Variants in ATXN2 observed in about 807,000 individuals in gnomAD.
ATXN2 encodes ataxin-2.
ATXN2 carries 37 observed loss-of-function variants against 138.6 expected under a neutral mutation model. That is an observed-to-expected ratio of 0.27 (90% CI 0.21 to 0.35). The LOEUF (loss-of-function observed/expected upper bound fraction) is 0.35, where lower values mean the gene tolerates loss of function less well. ATXN2 is among the 10% of genes least tolerant of loss of function. The probability of loss-of-function intolerance (pLI) is 1.00; values close to 1 mark genes in which losing one functional copy is unlikely to be tolerated. For missense variants in ATXN2, 1,216 were observed against 1,480.3 expected (o/e 0.82, Z 2.93); for synonymous variants, 549 against 543.7 (o/e 1.01, Z -0.13).
chr12:111,562,510 C>G (rs931645035), intron 1 of ATXN2, among the ~76,000 whole-genome samples: 1 of 151,834 alleles, frequency 6.6e-6, no homozygotes, highest in African/African-American at 2.4e-5. Context: ...CACCTGAGGT[C>G]GGGAGTTGGA....
chr12:111,486,111 G>A lies in ATXN2; in HGVS notation c.2305-246C>T, dbSNP rs1435071615. Among the ~76,000 whole-genome samples the A allele has an allele frequency of 2.6e-5, 4 of 152,210 alleles. No individual in the cohort carries two copies. In the East Asian group the frequency reaches 7.7e-4, roughly 29 times the overall value. ...GGCAGCTATTTTTAAGAAACTGATG[G>A]AAGTGTTTTTAAAAATTAAAAATAA... On this transcript the variant is annotated intron_variant, in intron 16 of 24. Transcript: ENST00000673436.
At chr12:111,503,252 G>A (rs1878895107) in intron 14 of ATXN2, among the ~76,000 whole-genome samples, 1 of 152,260 alleles carries the variant, frequency 6.6e-6, no homozygotes, top group Non-Finnish European at 1.5e-5. Flanking sequence ...CTGACTGACA[G>A]TGCAGCATGC....
chr12:111,496,057 G>A (rs1170918271), intron 14 of ATXN2, among the ~76,000 whole-genome samples: 1 of 152,014 alleles, frequency 6.6e-6, no homozygotes, highest in African/African-American at 2.4e-5. Context: ...GGAAGGCTAA[G>A]GTGGGAGGAT....
chr12:111,518,379 G>C lies in ATXN2; in HGVS notation c.1035C>G (p.Ser345=), dbSNP rs1348027633. The change falls in exon 9 of 25, where the codon TCC becomes TCG. Residue 345 remains serine, a synonymous_variant. Coordinates refer to ENST00000673436, the MANE Select transcript of ATXN2 (RefSeq NM_001372574.1). ...GTGAATTCTGTCTCCCACTTCCCCA[G>C]GATATGACTTCTCTATTTCTTTGTC... ...PPGQRNREVI[S]WGSGRQNSPR... 6.2e-7 allele frequency: 1 copy of C among 1,612,476 alleles called. No individual in the cohort carries two copies. The highest frequency in any genetic ancestry group is 1.7e-5 in the Admixed American group (1 of 59,944).
At chr12:111,536,436 A>C (rs1238671187) in intron 5 of ATXN2, among the ~76,000 whole-genome samples, 1 of 152,174 alleles carries the variant, frequency 6.6e-6, no homozygotes, top group Non-Finnish European at 1.5e-5. Context: ...ATAATCAAAG[A>C]GACAGACAAT....
Position 111,586,219 on chromosome 12 carries a change from C to CT in ATXN2, c.251+12564dup, listed in dbSNP as rs112320110. 2.6e-3 allele frequency among the ~76,000 whole-genome samples: 361 copies of CT among 139,638 alleles called. 2 individuals are homozygous for CT. The highest frequency in any genetic ancestry group is 0.013 in the East Asian group (62 of 4,768). The allele number at this position is 139,638 out of a possible 152,430, so 91.6% of individuals were successfully genotyped here. On this transcript the variant is annotated intron_variant, in intron 1 of 24. Transcript: ENST00000673436. ...CATGCCCAGCCACCAGTCTTCCAAA[C>CT]TTTTTTTTTTTTTTTGAGACAGAGT...
intron 2 of ATXN2, among the ~76,000 whole-genome samples, chr12:111,554,640 A>G (rs1882293281): frequency 6.6e-6 from 1 of 152,168 alleles, no homozygotes; most frequent in Non-Finnish European, 1.5e-5. Context: ...AAACTTCCAT[A>G]GAGGAGGAAG....
intron 1 of ATXN2, among the ~76,000 whole-genome samples, chr12:111,572,638 A>T (rs533726560): frequency 1.3e-5 from 2 of 152,302 alleles, no homozygotes; most frequent in South Asian, 2.1e-4. Flanking sequence ...CAACCTCCTG[A>T]TATTGTTTGG....
rs566343677 is a variant in ATXN2 at position 111,481,180 on chromosome 12, C to CA, written c.2524+4084dup. 2.6e-4 allele frequency among the ~76,000 whole-genome samples: 39 copies of CA among 152,194 alleles called. No homozygotes were observed. The East Asian group carries it at 6.6e-3, about 26-fold the overall frequency. On this transcript the variant is annotated intron_variant, in intron 18 of 24. Transcript: ENST00000673436. The stretch of plus-strand genomic sequence containing the variant: ...CAAAAATGGGCCGAGCGCGGTGGTG[C>CA]ACGCCTATAACCCCAGCTACTCTGG...
chr12:111,510,242 CA>C, intron 12 of ATXN2, 142 bp downstream of exon 12: 1 of 995,796 alleles, frequency 1.0e-6, no homozygotes. Context: ...TAAACAACAT[CA>C]AAATTTACAT....
chr12:111,568,704 C>T (rs1883153169), intron 1 of ATXN2, among the ~76,000 whole-genome samples: 1 of 152,140 alleles, frequency 6.6e-6, no homozygotes, highest in Non-Finnish European at 1.5e-5. Context: ...TACAGCAGCT[C>T]CCCAACTATT....
intron 5 of ATXN2, among the ~76,000 whole-genome samples, chr12:111,531,732 C>T (rs1209300092): frequency 1.3e-5 from 2 of 152,154 alleles, no homozygotes; most frequent in African/African-American, 2.4e-5. Context: ...GGTGGAGCCA[C>T]GCTCCTCAGG....
At position 111,510,601 on chromosome 12, in the gene ATXN2, G is replaced by A. The variant is rs1879451109; in HGVS notation, c.1559-19C>T. On this transcript the variant is annotated intron_variant, in intron 11 of 24. Coordinates refer to ENST00000673436, the MANE Select transcript of ATXN2 (RefSeq NM_001372574.1). The stretch of plus-strand genomic sequence containing the variant: ...CTTGGAACTAGAAGAAAGGGAAAAT[G>A]TATTTATTACATTCTCAGTTCAAAT... 6.3e-7 allele frequency: 1 copy of A among 1,577,194 alleles called. No individual in the cohort carries two copies. Among genetic ancestry groups the A allele is most frequent in the Non-Finnish European group, 8.7e-7 (1 of 1,153,642 alleles).
At chr12:111,456,343 T>G (rs779260664) in intron 22 of ATXN2, 87 bp from the exon 23 acceptor site, 208 of 1,422,054 alleles carry the variant, frequency 1.5e-4, no homozygotes, top group Non-Finnish European at 2.0e-4. Flanking sequence ...CTTTGCACAC[T>G]TGGGCCTATG....
rs868226447 is a variant in ATXN2 at position 111,582,993 on chromosome 12, G to T, written c.251+15791C>A. Among the ~76,000 whole-genome samples the T allele has an allele frequency of 1.3e-3, 126 of 100,036 alleles. 1 individual carries two copies. Among genetic ancestry groups the T allele is most frequent in the African/African-American group, 4.6e-3 (119 of 25,908 alleles). The allele number at this position is 100,036 out of a possible 152,430, so 65.6% of individuals were successfully genotyped here. A position where few individuals can be genotyped will look rare whatever the true frequency, so the allele number is the denominator to read the frequency against. On this transcript the variant is annotated intron_variant, in intron 1 of 24. Coordinates refer to ENST00000673436, the MANE Select transcript of ATXN2 (RefSeq NM_001372574.1). ...AGTATCTCAGTTTTTTTTTTTGTTT[G>T]TTTTTTTTTTTTTTTTGGAGACAGA...
Position 111,510,473 on chromosome 12 carries a change from T to C in ATXN2, c.1668A>G (p.Pro556=). The change falls in exon 12 of 25, where the codon CCA becomes CCG. Residue 556 remains proline (P), a synonymous_variant. Coordinates refer to ENST00000673436, the MANE Select transcript of ATXN2 (RefSeq NM_001372574.1). ...VLASPQAGII[P]TEAVAMPIPA... ...GAATAGGCATGGCAACAGCTTCAGT[T>C]GGAATAATACCAGCTTGGGGAGAAG... 1 of 1,614,134 alleles carries C rather than the reference T, an allele frequency of 6.2e-7. No individual in the cohort carries two copies. Among genetic ancestry groups the C allele is most frequent in the Non-Finnish European group, 8.5e-7 (1 of 1,180,022 alleles).
chr12:111,564,056 A>G (rs1356845786), intron 1 of ATXN2, among the ~76,000 whole-genome samples: 1 of 152,212 alleles, frequency 6.6e-6, no homozygotes, highest in East Asian at 1.9e-4. Flanking sequence ...GTGGTCGGCA[A>G]GCAGTGTCTT....
Position 111,513,389 on chromosome 12 carries a change from G to A in ATXN2, c.1526C>T (p.Ser509Leu), listed in dbSNP as rs774827848. The A allele has an allele frequency of 7.4e-6, 12 of 1,613,542 alleles. No homozygotes were observed. The Admixed American group carries it at 8.3e-5, about 11-fold the overall frequency. ...ATPPVARTSP[S>L]GGTWSSVVSG... The stretch of plus-strand genomic sequence containing the variant: ...GACCACTGATGACCACGTTCCCCCC[G>A]AGGGACTGGTCCTTGCTACTGGAGG... The change falls in exon 11 of 25, where the codon TCG (serine) becomes TTG (leucine). Residue 509 changes from serine to leucine, a missense_variant. Ser to Leu is a moderately radical substitution (Grantham distance 145, BLOSUM62 -2). Around this residue, in one of 4 missense-constraint regions of ATXN2, gnomAD observed 215 missense variants for 210.0 expected, o/e 1.02. Coordinates refer to ENST00000673436, the MANE Select transcript of ATXN2 (RefSeq NM_001372574.1).
chr12:111,581,855 C>T lies in ATXN2; in HGVS notation c.251+16929G>A, dbSNP rs192137647. Reference sequence around the variant, plus strand: ...TGTACTCCATCCACCCTCCATTCCTCGCCCTGCCCCCAGAGCCAAGTTCTC... The same window carrying T: ...TGTACTCCATCCACCCTCCATTCCTTGCCCTGCCCCCAGAGCCAAGTTCTC... On this transcript the variant is annotated intron_variant, in intron 1 of 24. Transcript: ENST00000673436. 1.5e-3 allele frequency: 452 copies of T among 293,800 alleles called. 3 individuals carry two copies. Among genetic ancestry groups the T allele is most frequent in the Non-Finnish European group, 2.6e-3 (401 of 152,752 alleles). 18.2% of individuals were successfully genotyped at this position (293,800 alleles called of 1,614,324 possible).
Sources: allele counts gnomAD v4.1 joint callset (sites outside exome capture counted in the v4.1 genomes callset), GRCh38; gene constraint gnomAD v4.1.1; regional missense constraint gnomAD v4.1.1; transcripts MANE v1.5; gene names NCBI Gene and HGNC (gene_info 2026-07-23, HGNC 2026-07-21).